The following PTPRJ variants were observed in gnomAD, a reference collection of about 807,000 sequenced individuals.
The protein encoded by PTPRJ is receptor-type tyrosine-protein phosphatase eta.
In PTPRJ, 129 loss-of-function variants were observed where a neutral mutation model predicts 141.3. The observed-to-expected ratio is 0.91, with a 90% CI of 0.79 to 1.06. The LOEUF (loss-of-function observed/expected upper bound fraction) is 1.06, where lower values mean the gene tolerates loss of function less well. PTPRJ is among the 50% of genes least tolerant of loss of function. The pLI, the probability that PTPRJ is intolerant of heterozygous loss-of-function variation, is 0.00. For synonymous variants in PTPRJ, 610 were observed against 640.5 expected, an observed-to-expected ratio of 0.95 and a Z score of 0.72; for missense variants, 1,601 against 1,679.7, an observed-to-expected ratio of 0.95 and a Z score of 0.82.
intron 3 of PTPRJ, among the ~76,000 whole-genome samples, chr11:48,114,172 C>A (rs1436629042): frequency 6.6e-6 from 1 of 152,072 alleles, no homozygotes; most frequent in Non-Finnish European, 1.5e-5. Flanking sequence ...GGCACAGTGG[C>A]TCATGCCTGT....
rs370808758 is a variant in PTPRJ, at chr11:48,137,327, C to G, written c.2152+46C>G. The G allele has an allele frequency of 1.3e-5, 21 of 1,579,204 alleles. No homozygotes were observed. The African/African-American group carries it at 2.7e-4, about 20-fold the overall frequency. On this transcript the variant is annotated intron_variant, in intron 10 of 24. Coordinates refer to ENST00000418331, the MANE Select transcript of PTPRJ (RefSeq NM_002843.4). ...CTCTTGGACTCCTCCCTGAGTGGTG[C>G]TGACCTTGCAGGTCAGTCCTCCCAA...
intron 1 of PTPRJ, among the ~76,000 whole-genome samples, chr11:48,088,966 A>T (rs1590486831): frequency 6.6e-6 from 1 of 152,154 alleles, no homozygotes; most frequent in Admixed American, 6.5e-5. Flanking sequence ...AGAGCTCATC[A>T]TCTATTATTT....
At chr11:48,155,958 T>G (rs749800291) in intron 20 of PTPRJ, 27 bp from the exon 21 acceptor site, 22 of 1,606,230 alleles carry the variant, frequency 1.4e-5, no homozygotes, top group Middle Eastern at 1.6e-4. Context: ...TCTTTGAGGT[T>G]GACTATGTGC....
intron 1 of PTPRJ, among the ~76,000 whole-genome samples, chr11:48,109,150 G>A (rs1357454877): frequency 2.6e-5 from 4 of 152,216 alleles, no homozygotes; most frequent in Non-Finnish European, 5.9e-5. Flanking sequence ...AGAATGTGAG[G>A]GGGCAGTGAG....
chr11:48,047,739 C>T (rs1318251815), intron 1 of PTPRJ, among the ~76,000 whole-genome samples: 1 of 152,052 alleles, frequency 6.6e-6, no homozygotes, highest in Non-Finnish European at 1.5e-5. Context: ...AATTTTTAAA[C>T]TCTGCTCAAA....
chr11:48,020,032 G>A (rs535903126), intron 1 of PTPRJ, among the ~76,000 whole-genome samples: 1 of 152,288 alleles, frequency 6.6e-6, no homozygotes, highest in African/African-American at 2.4e-5. Context: ...CGTTATTTCT[G>A]AGATCCCTGT....
chr11:48,143,440 C>G (rs1857279221), intron 12 of PTPRJ, among the ~76,000 whole-genome samples: 1 of 152,188 alleles, frequency 6.6e-6, no homozygotes, highest in Non-Finnish European at 1.5e-5. Context: ...TTTTTCTTCT[C>G]TTTTACCTCA....
chr11:48,131,448 C>T, intron 8 of PTPRJ: 1 of 766,862 alleles, frequency 1.3e-6, no homozygotes. Flanking sequence ...TTGTAATCTG[C>T]CTTTTCCCCA....
chr11:48,149,156 G>C (rs1427849911), intron 15 of PTPRJ, among the ~76,000 whole-genome samples: 1 of 152,172 alleles, frequency 6.6e-6, no homozygotes, highest in Non-Finnish European at 1.5e-5. Context: ...TTAAAGTAAT[G>C]CCACTGCTAT....
intron 1 of PTPRJ, among the ~76,000 whole-genome samples, chr11:48,051,613 A>G (rs1269983004): frequency 6.6e-6 from 1 of 152,210 alleles, no homozygotes; most frequent in Non-Finnish European, 1.5e-5. Flanking sequence ...TTGACTGCTT[A>G]CTATAAGCCA....
At chr11:47,987,459 C>T (rs768145910) in intron 1 of PTPRJ, among the ~76,000 whole-genome samples, 23 of 152,136 alleles carry the variant, frequency 1.5e-4, no homozygotes, top group African/African-American at 4.8e-4. Flanking sequence ...GAGCAGAGGC[C>T]GTGGTGGGGA....
intron 1 of PTPRJ, among the ~76,000 whole-genome samples, chr11:48,095,413 A>G (rs930593735): frequency 2.0e-5 from 3 of 152,164 alleles, no homozygotes; most frequent in Non-Finnish European, 4.4e-5. Context: ...AATAGCTAAT[A>G]ATGATCTTCA....
intron 1 of PTPRJ, among the ~76,000 whole-genome samples, chr11:48,005,617 C>A (rs924785793): frequency 7.2e-5 from 11 of 152,094 alleles, no homozygotes; most frequent in African/African-American, 1.2e-4. Context: ...TCGTTTGGGT[C>A]ATTTCTACTT....
intron 1 of PTPRJ, among the ~76,000 whole-genome samples, chr11:48,029,661 G>A (rs1281359591): frequency 1.3e-5 from 2 of 151,992 alleles, no homozygotes; most frequent in Admixed American, 6.6e-5. Context: ...CTTCTTTTTT[G>A]TATATCCAGG....
At chr11:48,011,546 T>A (rs1854789147) in intron 1 of PTPRJ, among the ~76,000 whole-genome samples, 1 of 152,210 alleles carries the variant, frequency 6.6e-6, no homozygotes, top group Non-Finnish European at 1.5e-5. Context: ...AGTAGAGAGT[T>A]GGGGGTACTC....
In PTPRJ at chr11:48,054,819, T is replaced by TTC. The variant is rs1220301158; in HGVS notation, c.97-55238_97-55237insCT. Among the ~76,000 whole-genome samples the TTC allele has an allele frequency of 4.1e-5, 6 of 146,536 alleles. No homozygotes were observed. The East Asian group carries it at 9.8e-4, about 24-fold the overall frequency. On this transcript the variant is annotated intron_variant, in intron 1 of 24. Coordinates refer to ENST00000418331, the MANE Select transcript of PTPRJ (RefSeq NM_002843.4). Reference sequence around the variant, plus strand: ...TTCCTCATTTTTTTCCTTTCTTTCTTTTTTTTTTTTTTAAAGGGCCAGTCC... The same window carrying TTC: ...TTCCTCATTTTTTTCCTTTCTTTCTTTCTTTTTTTTTTTTAAAGGGCCAGTCC...
chr11:48,105,170 C>G (rs1289272099), intron 1 of PTPRJ, among the ~76,000 whole-genome samples: 1 of 152,090 alleles, frequency 6.6e-6, no homozygotes, highest in Non-Finnish European at 1.5e-5. Context: ...TGAAGCACCC[C>G]CAAGCCTCTC....
At chr11:48,064,857 G>T (rs61914731) in intron 1 of PTPRJ, among the ~76,000 whole-genome samples, 4,590 of 152,000 alleles carry the variant, frequency 0.03, 105 homozygotes, top group Non-Finnish European at 0.046. Flanking sequence ...CTGACCTCAG[G>T]TGATTCACCC....
chr11:48,103,515 CA>C (rs768490838), intron 1 of PTPRJ, among the ~76,000 whole-genome samples: 19 of 152,120 alleles, frequency 1.2e-4, no homozygotes, highest in Non-Finnish European at 2.2e-4. Context: ...CCAAAAAAAC[CA>C]ACCAACACAT....
Sources: allele counts gnomAD v4.1 joint callset (sites outside exome capture counted in the v4.1 genomes callset), GRCh38; gene constraint gnomAD v4.1.1; transcripts MANE v1.5; gene names NCBI Gene and HGNC (gene_info 2026-07-23, HGNC 2026-07-21).